SCFD1: variants seen among roughly 807,000 people sequenced by gnomAD.
SCFD1 encodes the protein sec1 family domain containing 1.
SCFD1 carries 37 observed loss-of-function variants against 103.2 expected under a neutral mutation model. The ratio of observed to expected loss-of-function variants is 0.36; its 90% CI spans 0.28 to 0.47. SCFD1 has a LOEUF of 0.47. Ranked by LOEUF, SCFD1 falls within the 20% of genes least tolerant of loss-of-function variation. SCFD1 has a pLI of 1.00. For missense variants in SCFD1, 639 were observed against 761.2 expected, an observed-to-expected ratio of 0.84 and a Z score of 1.89; for synonymous variants, 264 against 245.0, an observed-to-expected ratio of 1.08 and a Z score of -0.73.
At chr14:30,708,113 G>A in intron 19 of SCFD1, 48 bp downstream of exon 19, 2 of 1,223,310 alleles carry the variant, frequency 1.6e-6, no homozygotes, top group Non-Finnish European at 2.4e-6. Flanking sequence ...AAACATAAAT[G>A]TTGACAGGCT....
At chr14:30,703,566 A>C (rs563448831) in intron 17 of SCFD1, among the ~76,000 whole-genome samples, 2 of 151,130 alleles carry the variant, frequency 1.3e-5, no homozygotes, top group East Asian at 3.9e-4. Flanking sequence ...ATAGTTTTTA[A>C]AATAATTAAT....
chr14:30,645,143 G>A (rs1885686036), intron 7 of SCFD1, among the ~76,000 whole-genome samples: 1 of 152,102 alleles, frequency 6.6e-6, no homozygotes, highest in Non-Finnish European at 1.5e-5. Flanking sequence ...GATGGTTGTA[G>A]GTATGTGGCT....
intron 17 of SCFD1, 80 bp from the exon 18 acceptor site, chr14:30,705,743 G>A: frequency 9.5e-7 from 1 of 1,050,644 alleles, no homozygotes; most frequent in African/African-American, 1.6e-5. Context: ...GTTAGAGTTA[G>A]TCAGTAGATA....
chr14:30,734,920 CAA>C, intron 24 of SCFD1, 62 bp downstream of exon 24: 6 of 1,348,776 alleles, frequency 4.4e-6, no homozygotes, highest in Non-Finnish European at 6.3e-6. Flanking sequence ...TGGTATTTTT[CAA>C]AAGAGAGAAA....
At chr14:30,698,672 C>T (rs958739550) in intron 15 of SCFD1, among the ~76,000 whole-genome samples, 6 of 151,804 alleles carry the variant, frequency 4.0e-5, no homozygotes, top group African/African-American at 1.5e-4. Context: ...ATCATAGTTG[C>T]GGCAGTTACG....
chr14:30,650,036 G>C (rs1293693247), intron 8 of SCFD1, among the ~76,000 whole-genome samples: 1 of 152,138 alleles, frequency 6.6e-6, no homozygotes, highest in Non-Finnish European at 1.5e-5. Flanking sequence ...TAAAGATTAA[G>C]AAATGAGTAA....
At chr14:30,651,843 C>T (rs1886420482) in intron 9 of SCFD1, among the ~76,000 whole-genome samples, 1 of 152,082 alleles carries the variant, frequency 6.6e-6, no homozygotes, top group Non-Finnish European at 1.5e-5. Flanking sequence ...CAACTAAGGG[C>T]AGTTTTTGCC....
intron 14 of SCFD1, among the ~76,000 whole-genome samples, chr14:30,682,486 T>C (rs973249865): frequency 7.2e-5 from 11 of 152,250 alleles, no homozygotes; most frequent in African/African-American, 2.7e-4. Context: ...CCCACCGGTA[T>C]GAATTGCAAC....
intron 15 of SCFD1, among the ~76,000 whole-genome samples, chr14:30,697,129 G>T (rs1449365624): frequency 6.6e-6 from 1 of 152,166 alleles, no homozygotes; most frequent in Admixed American, 6.5e-5. Context: ...CCTGGGAGCA[G>T]CAATGCCCAA....
chr14:30,719,280 A>C, intron 20 of SCFD1, 45 bp from the exon 21 acceptor site: 2 of 1,260,612 alleles, frequency 1.6e-6, no homozygotes, highest in Non-Finnish European at 2.3e-6. Context: ...TGACCTTCTG[A>C]AGAGAAATTC....
intron 3 of SCFD1, among the ~76,000 whole-genome samples, chr14:30,631,794 C>T (rs10149966): frequency 0.33 from 49,413 of 151,870 alleles, 9,125 homozygotes; most frequent in East Asian, 0.62. Flanking sequence ...GCCAGTAATC[C>T]TAGCACTTCT....
chr14:30,681,102 C>G (rs537594172), intron 14 of SCFD1, among the ~76,000 whole-genome samples: 1 of 151,938 alleles, frequency 6.6e-6, no homozygotes, highest in East Asian at 1.9e-4. Flanking sequence ...TGGCGCACAC[C>G]TGTAGTCACT....
rs760139943 is a variant in SCFD1, at chr14:30,622,354, G to A, written c.16G>A (p.Ala6Thr). The A allele has an allele frequency of 1.9e-6, 3 of 1,566,232 alleles. No homozygotes were observed. The highest frequency in any genetic ancestry group is 8.7e-7 in the Non-Finnish European group (1 of 1,155,952). MAAAAAATAAAAASIR... is the reference protein window; with the variant it reads MAAAATATAAAAASIR... ...GGGAGCCAAGATGGCGGCGGCGGCG[G>A]CAGCGACAGCAGCAGCAGCAGCCAG... The change falls in exon 1 of 25, where the codon GCA becomes ACA. Residue 6 changes from alanine (A) to threonine (T), a missense_variant. Coordinates refer to ENST00000458591, the MANE Select transcript of SCFD1 (RefSeq NM_016106.4).
In SCFD1 at chr14:30,650,626, A is replaced by G. The variant is rs772200600; in HGVS notation, c.731A>G (p.Asp244Gly). The G allele has an allele frequency of 8.8e-5, 141 of 1,606,580 alleles. 1 individual carries two copies. The highest frequency in any genetic ancestry group is 1.2e-4 in the Non-Finnish European group (137 of 1,173,804). ...GCAAGAAACAGTCTTTTTACAGGTGATACACTTGGAGCTGGCCAATTCAGG... is the reference window on the plus strand; with the variant it reads ...GCAAGAAACAGTCTTTTTACAGGTGGTACACTTGGAGCTGGCCAATTCAGG... ...RDARNSLFTG[D>G]TLGAGQFSFQ... Residue 244 changes from aspartate to glycine, a missense_variant, in exon 9 of 25, where the codon GAT becomes GGT. By Grantham distance (94) the Asp-to-Gly change is moderately conservative (BLOSUM62 -1). Transcript: ENST00000458591.
chr14:30,702,438 C>A, intron 17 of SCFD1, 63 bp downstream of exon 17: 2 of 992,150 alleles, frequency 2.0e-6, no homozygotes, highest in Non-Finnish European at 3.0e-6. Flanking sequence ...GCTTCATTCC[C>A]AAGAAAATGG....
intron 4 of SCFD1, 82 bp from the exon 5 acceptor site, chr14:30,638,043 A>G: frequency 7.3e-7 from 1 of 1,374,188 alleles, no homozygotes; most frequent in African/African-American, 1.5e-5. Flanking sequence ...TTTTAAATAT[A>G]ACTTTGCCTT....
intron 14 of SCFD1, chr14:30,683,128 C>T: frequency 8.3e-7 from 1 of 1,207,266 alleles, no homozygotes; most frequent in Non-Finnish European, 1.2e-6. Context: ...CAGGGTTTGG[C>T]AGCATGTGTG....
intron 10 of SCFD1, among the ~76,000 whole-genome samples, chr14:30,657,103 C>T (rs1159978466): frequency 6.6e-6 from 1 of 151,884 alleles, no homozygotes; most frequent in African/African-American, 2.4e-5. Flanking sequence ...TCACACCTGC[C>T]AGTGGTGTTG....
At chr14:30,634,241 T>C (rs934690416) in intron 4 of SCFD1, among the ~76,000 whole-genome samples, 1 of 152,192 alleles carries the variant, frequency 6.6e-6, no homozygotes, top group Admixed American at 6.5e-5. Flanking sequence ...AGTCCTCTCA[T>C]GTCCACAGTT....
Sources: gnomAD v4.1 joint callset for allele counts (sites outside exome capture counted in the v4.1 genomes callset) on GRCh38, gnomAD v4.1.1 for gene constraint, MANE v1.5 for transcripts, NCBI Gene and HGNC (gene_info 2026-07-23, HGNC 2026-07-21) for gene names.